The following ASPSCR1 variants were observed in gnomAD, a reference collection of about 807,000 sequenced individuals.
ASPSCR1 encodes tether containing UBX domain for GLUT4.
In ASPSCR1, 55 loss-of-function variants were observed where a neutral mutation model predicts 68.9. The ratio of observed to expected loss-of-function variants is 0.80; its 90% CI spans 0.64 to 1.00. The LOEUF (loss-of-function observed/expected upper bound fraction) is 1.00, where lower values mean the gene tolerates loss of function less well. Ranked by LOEUF, ASPSCR1 falls within the 50% of genes least tolerant of loss-of-function variation. The pLI, the probability that ASPSCR1 is intolerant of heterozygous loss-of-function variation, is 0.00. For missense variants in ASPSCR1, 765 were observed against 762.2 expected (o/e 1.00, Z -0.04); for synonymous variants, 352 against 332.6 (o/e 1.06, Z -0.63).
Position 81,997,083 on chromosome 17 carries a change from TGCTCCGGGATGAGGCCGTGTCC to T in ASPSCR1, c.933+258_933+279del, listed in dbSNP as rs1241311264. Among the ~76,000 whole-genome samples the T allele has an allele frequency of 9.9e-3, 694 of 70,444 alleles. 2 individuals are homozygous for T. Among genetic ancestry groups the T allele is most frequent in the Non-Finnish European group, 0.018 (501 of 27,644 alleles). 46.2% of individuals were successfully genotyped at this position (70,444 alleles called of 152,430 possible). On this transcript the variant is annotated intron_variant, in intron 7 of 15. Coordinates refer to ENST00000306739, the MANE Select transcript of ASPSCR1 (RefSeq NM_024083.4). ...GCTTTACTGAGACGGTGGCTGTGTC[TGCTCCGGGATGAGGCCGTGTCC>T]GCTCCGGGATGAGGCCGTGTGGGCT...
intron 9 of ASPSCR1, chr17:82,009,839 G>T: frequency 2.7e-6 from 1 of 373,034 alleles, no homozygotes; most frequent in Non-Finnish European, 5.0e-6. Context: ...ACAGCTCTGA[G>T]CAGGGCCCCC....
Position 81,979,206 on chromosome 17 carries a change from G to A in ASPSCR1, c.125G>A (p.Arg42Gln), listed in dbSNP as rs751590996. 118 of 1,613,982 alleles carry A rather than the reference G, an allele frequency of 7.3e-5. No homozygotes were observed. Among genetic ancestry groups the A allele is most frequent in the Non-Finnish European group, 9.4e-5 (111 of 1,180,030 alleles). ...LLQVLEDTCRRQDFNPCEYDL... is the reference protein window; with the variant it reads ...LLQVLEDTCRQQDFNPCEYDL... ...CAGGTTCTGGAGGACACGTGCCGGC[G>A]GCAGGACTTCAACCCCTGTGAATAT... The change falls in exon 2 of 16, where the codon CGG becomes CAG. Residue 42 changes from arginine (R) to glutamine (Q), a missense_variant. Transcript: ENST00000306739.
chr17:82,012,161 TCTTC>T (rs758754445), intron 11 of ASPSCR1, 66 bp from the exon 12 acceptor site: 2 of 1,537,930 alleles, frequency 1.3e-6, no homozygotes, highest in Non-Finnish European at 1.8e-6. Context: ...TGCAGGCCTG[TCTTC>T]CTTCGGGCGC....
intron 4 of ASPSCR1, among the ~76,000 whole-genome samples, chr17:81,992,843 G>C (rs902930022): frequency 1.3e-5 from 2 of 152,232 alleles, no homozygotes; most frequent in African/African-American, 4.8e-5. Flanking sequence ...GTCCCAGCCT[G>C]TGCGCAGAGG....
chr17:82,014,946 C>A, intron 12 of ASPSCR1: 2 of 1,147,892 alleles, frequency 1.7e-6, no homozygotes, highest in Non-Finnish European at 2.4e-6. Flanking sequence ...GGGAGCCAGG[C>A]AGGGGCAGCC....
At chr17:82,000,982 G>A (rs946764594) in intron 7 of ASPSCR1, among the ~76,000 whole-genome samples, 3 of 152,212 alleles carry the variant, frequency 2.0e-5, no homozygotes, top group South Asian at 2.1e-4. Context: ...ACGGGCTGGC[G>A]GCTGCTGCCC....
chr17:81,984,239 C>G (rs568993090), intron 3 of ASPSCR1, among the ~76,000 whole-genome samples: 1 of 152,270 alleles, frequency 6.6e-6, no homozygotes, highest in African/African-American at 2.4e-5. Flanking sequence ...CAGCATTCAC[C>G]CACCAGCCTG....
At chr17:82,003,114 C>G (rs563314240) in intron 7 of ASPSCR1, among the ~76,000 whole-genome samples, 2 of 148,898 alleles carry the variant, frequency 1.3e-5, no homozygotes, top group East Asian at 4.0e-4. Context: ...TCCGAAAGAG[C>G]TGGCATTACA....
chr17:82,016,740 G>A, intron 13 of ASPSCR1, 60 bp from the exon 14 acceptor site: 2 of 1,562,604 alleles, frequency 1.3e-6, no homozygotes, highest in Non-Finnish European at 1.7e-6. Context: ...GGCAGATGCT[G>A]GGTGGATGGT....
intron 7 of ASPSCR1, among the ~76,000 whole-genome samples, chr17:82,001,250 C>T (rs1479329369): frequency 1.3e-5 from 2 of 152,128 alleles, no homozygotes; most frequent in African/African-American, 4.8e-5. Flanking sequence ...TGCTGTTGAC[C>T]CTGGGCAGTA....
chr17:81,992,211 G>C (rs1262326834), intron 4 of ASPSCR1, among the ~76,000 whole-genome samples: 1 of 152,178 alleles, frequency 6.6e-6, no homozygotes, highest in Non-Finnish European at 1.5e-5. Flanking sequence ...TTGCCCCTGC[G>C]GACATTGGGA....
Position 81,993,274 on chromosome 17 carries a change from C to T in ASPSCR1, c.375-1547C>T, listed in dbSNP as rs1052327199. 3.9e-4 allele frequency among the ~76,000 whole-genome samples: 59 copies of T among 151,974 alleles called. 1 individual carries two copies. Among genetic ancestry groups the T allele is most frequent in the Non-Finnish European group, 7.6e-4 (52 of 67,996 alleles). On this transcript the variant is annotated intron_variant, in intron 4 of 15. Coordinates refer to ENST00000306739, the MANE Select transcript of ASPSCR1 (RefSeq NM_024083.4). ...TGTCGCCCAGGCTGGAGTGCAGTGGCGCGATCTCGGCTCACTGCAAGCTCC... is the reference window on the plus strand; with the variant it reads ...TGTCGCCCAGGCTGGAGTGCAGTGGTGCGATCTCGGCTCACTGCAAGCTCC...
At position 81,987,785 on chromosome 17, in the gene ASPSCR1, T is replaced by C. The variant is rs1018294299; in HGVS notation, c.374+2178T>C. Among the ~76,000 whole-genome samples, 2 of 151,510 alleles carry C rather than the reference T, an allele frequency of 1.3e-5. No individual in the cohort carries two copies. Among genetic ancestry groups the C allele is most frequent in the African/African-American group, 4.9e-5 (2 of 41,154 alleles). On this transcript the variant is annotated intron_variant, in intron 4 of 15. Transcript: ENST00000306739. This position sits in a 1 kb window ranked among gnomAD's most constrained non-coding sequence, Gnocchi z 5.6. ...TGGGTTTGGGCGCTTTGGAGGAGGT[T>C]GCAGTGAGCCGAGATCGCACCATTG...
chr17:81,981,491 G>A (rs528949653), intron 2 of ASPSCR1, among the ~76,000 whole-genome samples: 5 of 152,290 alleles, frequency 3.3e-5, no homozygotes, highest in Admixed American at 1.3e-4. Flanking sequence ...TGATTCTTCT[G>A]CCTCAGCCTC....
chr17:82,015,039 G>T (rs1300533330), intron 12 of ASPSCR1: 2 of 1,567,228 alleles, frequency 1.3e-6, no homozygotes, highest in South Asian at 1.2e-5. Context: ...CCCTGCTCTG[G>T]CTGGGGGGAC....
At chr17:81,988,529 C>T (rs1000614621) in intron 4 of ASPSCR1, among the ~76,000 whole-genome samples, 7 of 151,968 alleles carry the variant, frequency 4.6e-5, no homozygotes, top group Admixed American at 1.3e-4. Context: ...GTGGTGGGGC[C>T]GTTGGTGGTA....
rs774864875 is a variant in ASPSCR1 at position 82,010,011 on chromosome 17, G to C, written c.1170+444G>C. 9.2e-6 allele frequency: 3 copies of C among 324,528 alleles called. No homozygotes were observed. The Admixed American group carries it at 1.3e-4, about 14-fold the overall frequency. The allele number at this position is 324,528 out of a possible 1,614,324, so 20.1% of individuals were successfully genotyped here. A position where few individuals can be genotyped will look rare whatever the true frequency, so the allele number is the denominator to read the frequency against. ...TGCAAGCTCCGCCTCCCGGGTTCAAGTGGTTCTCCTGCCTCAGCCTCCCAA... is the reference window on the plus strand; with the variant it reads ...TGCAAGCTCCGCCTCCCGGGTTCAACTGGTTCTCCTGCCTCAGCCTCCCAA... On this transcript the variant is annotated intron_variant, in intron 9 of 15. Transcript: ENST00000306739.
intron 7 of ASPSCR1, 168 bp from the exon 8 acceptor site, chr17:82,008,869 C>G (rs912719760): frequency 2.7e-5 from 26 of 969,364 alleles, no homozygotes; most frequent in Non-Finnish European, 3.4e-5. Context: ...GCTGCTGTGC[C>G]CAGCCCTGCC....
At chr17:81,991,929 CG>C (rs1281553956) in intron 4 of ASPSCR1, among the ~76,000 whole-genome samples, 2 of 152,266 alleles carry the variant, frequency 1.3e-5, no homozygotes, top group Non-Finnish European at 2.9e-5. Flanking sequence ...CTTGCCGGAG[CG>C]GGGCCCCAGC....
Sources: allele counts gnomAD v4.1 joint callset (sites outside exome capture counted in the v4.1 genomes callset), GRCh38; gene constraint gnomAD v4.1.1; non-coding constraint Gnocchi (gnomAD v3.1); transcripts MANE v1.5; gene names NCBI Gene and HGNC (gene_info 2026-07-23, HGNC 2026-07-21).